NSG1: variants seen among roughly 807,000 people sequenced by gnomAD.
NSG1 encodes neuronal vesicle trafficking associated 1.
Under a neutral mutation model 19.3 loss-of-function variants are expected in NSG1, and 9 were observed. The ratio of observed to expected loss-of-function variants is 0.47; its 90% CI spans 0.28 to 0.81. NSG1 has a LOEUF of 0.81. Among genes scored for constraint, NSG1 ranks in the 40% least tolerant of loss-of-function variants. The pLI is 0.11. For synonymous variants in NSG1, 104 were observed against 107.0 expected, an observed-to-expected ratio of 0.97 and a Z score of 0.17; for missense variants, 236 against 242.4, an observed-to-expected ratio of 0.97 and a Z score of 0.18.
intron 2 of NSG1, among the ~76,000 whole-genome samples, chr4:4,390,961 A>C (rs1453375270): frequency 6.6e-6 from 1 of 152,114 alleles, no homozygotes; most frequent in East Asian, 1.9e-4. Flanking sequence ...GGGTGGAGAC[A>C]AAGAGGTTGA....
intron 3 of NSG1, among the ~76,000 whole-genome samples, chr4:4,392,162 C>T (rs1161465085): frequency 6.6e-6 from 1 of 151,366 alleles, no homozygotes; most frequent in Admixed American, 6.6e-5. Flanking sequence ...CTCCATCCTT[C>T]CCCCCATCCC....
At chr4:4,411,768 C>G (rs1013316135) in intron 4 of NSG1, among the ~76,000 whole-genome samples, 2 of 131,054 alleles carry the variant, frequency 1.5e-5, no homozygotes, top group South Asian at 4.3e-4. Flanking sequence ...CAAAACAAAA[C>G]AAAACAAAAC....
At position 4,409,512 on chromosome 4, in the gene NSG1, T is replaced by G. The variant is rs1300271988; in HGVS notation, c.247-61T>G. On this transcript the variant is annotated intron_variant, in intron 3 of 4. Transcript: ENST00000621129. The stretch of plus-strand genomic sequence containing the variant: ...GTGGGGGGGGGCCTTCGTGTGCGGG[T>G]GTGTGTGTGTCTGTCCTGCTGCCTT... 14 of 1,155,936 alleles carry G rather than the reference T, an allele frequency of 1.2e-5. No homozygotes were observed. The East Asian group carries it at 1.9e-4, about 16-fold the overall frequency. The allele number at this position is 1,155,936 out of a possible 1,614,324, so 71.6% of individuals were successfully genotyped here. A position where few individuals can be genotyped will look rare whatever the true frequency, so the allele number is the denominator to read the frequency against.
intron 4 of NSG1, among the ~76,000 whole-genome samples, chr4:4,409,910 C>T (rs1009919647): frequency 1.3e-5 from 2 of 152,218 alleles, no homozygotes; most frequent in Non-Finnish European, 1.5e-5. Flanking sequence ...CGGACTTGGC[C>T]CCTGGGAGCT....
At chr4:4,392,993 C>T (rs898866840) in intron 3 of NSG1, among the ~76,000 whole-genome samples, 4 of 152,116 alleles carry the variant, frequency 2.6e-5, no homozygotes, top group South Asian at 2.1e-4. Context: ...CTGTCTTCTG[C>T]GCTGGCCAGT....
At chr4:4,397,769 A>T (rs1276964840) in intron 3 of NSG1, among the ~76,000 whole-genome samples, 11 of 152,070 alleles carry the variant, frequency 7.2e-5, no homozygotes, top group African/African-American at 2.7e-4. Context: ...TCCACTCGTT[A>T]TAAACGCACC....
At chr4:4,406,250 A>G (rs1723850535) in intron 3 of NSG1, among the ~76,000 whole-genome samples, 1 of 152,008 alleles carries the variant, frequency 6.6e-6, no homozygotes, top group African/African-American at 2.4e-5. Context: ...GCTGGTCTTG[A>G]ACTCCTGACC....
chr4:4,406,677 C>G (rs993458170), intron 3 of NSG1, among the ~76,000 whole-genome samples: 1 of 152,290 alleles, frequency 6.6e-6, no homozygotes, highest in African/African-American at 2.4e-5. Flanking sequence ...ATGCTCCCCC[C>G]CAACCCAGGT....
intron 4 of NSG1, 96 bp from the exon 5 acceptor site, chr4:4,417,139 A>C (rs949140998): frequency 9.9e-7 from 1 of 1,013,830 alleles, no homozygotes; most frequent in African/African-American, 1.6e-5. Context: ...CTCCAAGCTC[A>C]GGGAAGGTGC....
chr4:4,405,397 A>T (rs73793270), intron 3 of NSG1, among the ~76,000 whole-genome samples: 240 of 152,274 alleles, frequency 1.6e-3, no homozygotes, highest in African/African-American at 5.6e-3. Flanking sequence ...GGACTTCAGC[A>T]TCTCTTTTTG....
At chr4:4,389,858 A>C (rs1189098287) in intron 2 of NSG1, among the ~76,000 whole-genome samples, 1 of 152,198 alleles carries the variant, frequency 6.6e-6, no homozygotes, top group Non-Finnish European at 1.5e-5. Flanking sequence ...CTTATTCTGC[A>C]CCAGGAACTA....
chr4:4,387,515 C>T (rs1722786252), intron 1 of NSG1, 89 bp from the exon 2 acceptor site: 1 of 888,826 alleles, frequency 1.1e-6, no homozygotes, highest in East Asian at 2.8e-5. Context: ...TCGCGGACGC[C>T]GGGACGCCGG....
intron 4 of NSG1, chr4:4,415,990 C>G: frequency 1.5e-6 from 1 of 662,560 alleles, no homozygotes; most frequent in Middle Eastern, 2.5e-4. Context: ...GGACTGAGAT[C>G]AAGACGCTGT....
rs188156468 is a variant in NSG1 at position 4,407,900 on chromosome 4, G to A, written c.247-1673G>A. ...TGGGCCCTGGTGCTGGGGCCTGAGC[G>A]GCTTGCAGGGGGTGCATAGGGGCCC... is the stretch of plus-strand genomic sequence containing the variant. On this transcript the variant is annotated intron_variant, in intron 3 of 4. Coordinates refer to ENST00000621129, the MANE Select transcript of NSG1 (RefSeq NM_014392.5). 3.0e-4 allele frequency among the ~76,000 whole-genome samples: 46 copies of A among 152,250 alleles called. No individual in the cohort carries two copies. The East Asian group carries it at 7.0e-3, about 23-fold the overall frequency.
chr4:4,417,430 G>A lies in NSG1; in HGVS notation c.553G>A (p.Ala185Thr), dbSNP rs1256024403. Residue 185 changes from alanine (A) to threonine (T), a missense_variant, in exon 5 of 5, where the codon GCT (alanine) becomes ACT (threonine). By Grantham distance (58) the Ala-to-Thr change is moderately conservative. Coordinates refer to ENST00000621129, the MANE Select transcript of NSG1 (RefSeq NM_014392.5). ...EQETEAAEKS[A>T] ...GGAGACTGAAGCGGCTGAGAAGTCA[G>A]CTTAGCGGGATGGGCAAGTTCCTTA... 2 of 1,614,218 alleles carry A rather than the reference G, an allele frequency of 1.2e-6. No individual in the cohort carries two copies. Among genetic ancestry groups the A allele is most frequent in the South Asian group, 1.1e-5 (1 of 91,086 alleles).
intron 3 of NSG1, among the ~76,000 whole-genome samples, chr4:4,408,828 T>C (rs1280020881): frequency 6.6e-6 from 1 of 152,088 alleles, no homozygotes; most frequent in Non-Finnish European, 1.5e-5. Context: ...GCCTTCAAGG[T>C]CCAGGTCCAG....
chr4:4,401,658 A>T lies in NSG1; in HGVS notation c.247-7915A>T, dbSNP rs1305845083. Among the ~76,000 whole-genome samples, 5 of 152,108 alleles carry T rather than the reference A, an allele frequency of 3.3e-5. No individual in the cohort carries two copies. In the East Asian group the frequency reaches 9.7e-4, roughly 29 times the overall value. Reference sequence around the variant, plus strand: ...CCAGGGTGACGCTGTGGGACCGTACAGCCCTGCAGGGCTGCTCAACCACGT... The same window carrying T: ...CCAGGGTGACGCTGTGGGACCGTACTGCCCTGCAGGGCTGCTCAACCACGT... On this transcript the variant is annotated intron_variant, in intron 3 of 4. Transcript: ENST00000621129.
chr4:4,411,766 A>ACACAACACAACACAAC (rs1560147679), intron 4 of NSG1, among the ~76,000 whole-genome samples: 18 of 112,194 alleles, frequency 1.6e-4, no homozygotes, highest in African/African-American at 1.1e-3. Context: ...AACAAAACAA[A>ACACAACACAACACAAC]ACAAAACAAA....
At chr4:4,414,953 A>G (rs1399876606) in intron 4 of NSG1, among the ~76,000 whole-genome samples, 1 of 151,304 alleles carries the variant, frequency 6.6e-6, no homozygotes, top group African/African-American at 2.4e-5. Context: ...TCTGCCTTTA[A>G]AAAAAAACAA....
Sources: gnomAD v4.1 joint callset for allele counts (sites outside exome capture counted in the v4.1 genomes callset) on GRCh38, gnomAD v4.1.1 for gene constraint, MANE v1.5 for transcripts, NCBI Gene and HGNC (gene_info 2026-07-23, HGNC 2026-07-21) for gene names.